Variants in AFG1L observed in about 807,000 individuals in gnomAD.
AFG1L encodes AFG1-like ATPase.
AFG1L carries 53 observed loss-of-function variants against 62.2 expected under a neutral mutation model. The ratio of observed to expected loss-of-function variants is 0.85; its 90% confidence interval spans 0.68 to 1.07. AFG1L has a LOEUF of 1.07. Among genes scored for constraint, AFG1L ranks in the 50% least tolerant of loss-of-function variants. AFG1L has a pLI of 0.00. For missense variants in AFG1L, 555 were observed against 590.5 expected, an observed-to-expected ratio of 0.94 and a Z score of 0.62; for synonymous variants, 228 against 210.3, an observed-to-expected ratio of 1.08 and a Z score of -0.73.
intron 2 of AFG1L, among the ~76,000 whole-genome samples, 188 bp downstream of exon 2, chr6:108,324,236 T>C (rs1170744626): frequency 1.3e-5 from 2 of 152,246 alleles, no homozygotes; most frequent in Non-Finnish European, 2.9e-5. Context: ...CTTCAGGGGT[T>C]TGAATAGCTT....
At chr6:108,344,694 G>A (rs1778800391) in intron 2 of AFG1L, 1 of 470,462 alleles carries the variant, frequency 2.1e-6, no homozygotes, top group South Asian at 1.5e-5. Context: ...TTGATGCTAA[G>A]TGGCATAATC....
rs756186860 is a variant in AFG1L, at chr6:108,323,967, A to T, written c.282A>T (p.Gln94His). 5.0e-6 allele frequency: 8 copies of T among 1,614,190 alleles called. No homozygotes were observed. The highest frequency in any genetic ancestry group is 1.1e-5 in the South Asian group (1 of 91,084). ...ATGAGCTAAAGGATGATGAACATCAAAGAAGAGTCATACAGTGTTTGCAGA... is the reference window on the plus strand; with the variant it reads ...ATGAGCTAAAGGATGATGAACATCATAGAAGAGTCATACAGTGTTTGCAGA... ...KAHELKDDEH[Q>H]RRVIQCLQKL... is the part of the protein sequence containing the mutation. The change falls in exon 2 of 13, where the codon CAA (glutamine) becomes CAT (histidine). Residue 94 changes from glutamine (Q) to histidine (H), a missense_variant. Physicochemically the swap from Gln to His is conservative, Grantham distance 24 (BLOSUM62 0). Coordinates refer to ENST00000368977, the MANE Select transcript of AFG1L (RefSeq NM_145315.5).
chr6:108,430,077 G>A (rs1283555), intron 7 of AFG1L, among the ~76,000 whole-genome samples: 99,950 of 151,492 alleles, frequency 0.66, 34,832 homozygotes, highest in African/African-American at 0.9. Context: ...CCTCCTGAGT[G>A]GCTGGGATTA....
At chr6:108,313,795 C>T (rs962873120) in intron 1 of AFG1L, among the ~76,000 whole-genome samples, 12 of 152,214 alleles carry the variant, frequency 7.9e-5, no homozygotes, top group South Asian at 2.1e-4. Context: ...CTGCTTCGGC[C>T]TCCCAAATTG....
chr6:108,450,693 G>A (rs1772015841), intron 8 of AFG1L, among the ~76,000 whole-genome samples: 1 of 152,104 alleles, frequency 6.6e-6, no homozygotes, highest in African/African-American at 2.4e-5. Context: ...GTCCTGAATG[G>A]TATTGCCTAG....
intron 8 of AFG1L, among the ~76,000 whole-genome samples, chr6:108,474,772 G>T (rs547856957): frequency 6.6e-6 from 1 of 152,074 alleles, no homozygotes; most frequent in Admixed American, 6.5e-5. Flanking sequence ...TAAGTTCCTT[G>T]TAGATTCTGG....
chr6:108,414,765 TG>T (rs1352532945), intron 7 of AFG1L, among the ~76,000 whole-genome samples: 2 of 152,162 alleles, frequency 1.3e-5, no homozygotes, highest in African/African-American at 4.8e-5. Flanking sequence ...ATTGATGGGA[TG>T]TATCTCAAAA....
intron 3 of AFG1L, among the ~76,000 whole-genome samples, chr6:108,352,219 C>T (rs903549385): frequency 1.3e-5 from 2 of 152,152 alleles, no homozygotes; most frequent in African/African-American, 2.4e-5. Flanking sequence ...TCTTCAGTAC[C>T]TTATATAAAT....
rs187046762 is a variant in AFG1L at position 108,355,991 on chromosome 6, G to T, written c.517+236G>T. ...ACAGAGATTGCTGTATGAAGCTCAG[G>T]CATTTTCTGTTTCTACTAAGGGCCA... On this transcript the variant is annotated intron_variant, in intron 4 of 12. Transcript: ENST00000368977. Among the ~76,000 whole-genome samples, 6 of 152,212 alleles carry T rather than the reference G, an allele frequency of 3.9e-5. No homozygotes were observed. In the East Asian group the frequency reaches 1.2e-3, roughly 29 times the overall value.
intron 6 of AFG1L, among the ~76,000 whole-genome samples, chr6:108,367,240 A>G (rs1037491861): frequency 5.9e-5 from 9 of 152,242 alleles, no homozygotes; most frequent in Non-Finnish European, 1.2e-4. Flanking sequence ...CTCAGCACCT[A>G]TAACAGTGTC....
At chr6:108,346,846 C>A in intron 2 of AFG1L, 142 bp from the exon 3 acceptor site, 1 of 625,434 alleles carries the variant, frequency 1.6e-6, no homozygotes, top group South Asian at 1.9e-5. Context: ...GCTTTAAACA[C>A]TTTTATATCA....
intron 2 of AFG1L, among the ~76,000 whole-genome samples, chr6:108,325,435 T>C (rs1378696031): frequency 8.7e-6 from 1 of 114,404 alleles, no homozygotes; most frequent in African/African-American, 3.3e-5. Flanking sequence ...AGGGCTGTTT[T>C]GCCTTTTTTT....
intron 8 of AFG1L, among the ~76,000 whole-genome samples, chr6:108,450,511 A>C (rs1400173364): frequency 6.6e-6 from 1 of 152,064 alleles, no homozygotes; most frequent in Non-Finnish European, 1.5e-5. Context: ...CCTTTGTCAG[A>C]TGAGTAGATT....
At chr6:108,308,055 G>T (rs1326337566) in intron 1 of AFG1L, among the ~76,000 whole-genome samples, 1 of 152,114 alleles carries the variant, frequency 6.6e-6, no homozygotes, top group Admixed American at 6.6e-5. Flanking sequence ...CAGATACATA[G>T]ATTGCAAGTA....
intron 12 of AFG1L, chr6:108,520,097 C>A: frequency 4.0e-6 from 1 of 250,236 alleles, no homozygotes; most frequent in Admixed American, 5.1e-5. Flanking sequence ...AGTCACACTG[C>A]TGAATAATGG....
At chr6:108,360,544 T>A (rs924994224) in intron 5 of AFG1L, among the ~76,000 whole-genome samples, 2 of 152,210 alleles carry the variant, frequency 1.3e-5, no homozygotes, top group African/African-American at 4.8e-5. Flanking sequence ...TGTCCTAGAA[T>A]GCAAAAATGT....
intron 8 of AFG1L, among the ~76,000 whole-genome samples, chr6:108,451,713 A>G (rs200556130): frequency 6.6e-6 from 1 of 150,754 alleles, no homozygotes; most frequent in African/African-American, 2.4e-5. Context: ...CTTTTTTTTT[A>G]TTTTCATTTT....
chr6:108,366,474 G>T (rs1779763803), intron 6 of AFG1L, 142 bp downstream of exon 6: 1 of 486,726 alleles, frequency 2.1e-6, no homozygotes, highest in Non-Finnish European at 3.6e-6. Flanking sequence ...GGCTTAATCT[G>T]AAAAATCAGT....
chr6:108,480,342 A>G (rs1773277849), intron 10 of AFG1L, among the ~76,000 whole-genome samples: 1 of 152,298 alleles, frequency 6.6e-6, no homozygotes, highest in Admixed American at 6.5e-5. Context: ...TATTGTCCCC[A>G]TTTTATAGGT....
Sources: gnomAD v4.1 joint callset for allele counts (sites outside exome capture counted in the v4.1 genomes callset) on GRCh38, gnomAD v4.1.1 for gene constraint, MANE v1.5 for transcripts, NCBI Gene and HGNC (gene_info 2026-07-23, HGNC 2026-07-21) for gene names.